ENOX1: variants seen among roughly 807,000 people sequenced by gnomAD.
The protein encoded by ENOX1 is ecto-NOX disulfide-thiol exchanger 1.
ENOX1 carries 42 observed loss-of-function variants against 82.5 expected under a neutral mutation model. The observed-to-expected ratio is 0.51, with a 90% CI of 0.40 to 0.66. ENOX1 has a LOEUF of 0.66. ENOX1 is among the 30% of genes least tolerant of loss of function. The probability of loss-of-function intolerance (pLI) is 0.00; values close to 1 mark genes in which losing one functional copy is unlikely to be tolerated. For synonymous variants in ENOX1, 271 were observed against 282.2 expected, an observed-to-expected ratio of 0.96 and a Z score of 0.40; for missense variants, 608 against 811.6, an observed-to-expected ratio of 0.75 and a Z score of 3.05.
At chr13:43,328,125 C>T (rs1300474616) in intron 9 of ENOX1, among the ~76,000 whole-genome samples, 1 of 152,212 alleles carries the variant, frequency 6.6e-6, no homozygotes, top group Non-Finnish European at 1.5e-5. Flanking sequence ...AAACTCCAGA[C>T]TAAACACCTG....
At chr13:43,231,034 T>C (rs992472517) in intron 15 of ENOX1, among the ~76,000 whole-genome samples, 5 of 152,170 alleles carry the variant, frequency 3.3e-5, no homozygotes, top group African/African-American at 9.7e-5. Context: ...CACTGGTTGA[T>C]AGTCTCCTAG....
chr13:43,439,780 T>C lies in ENOX1; in HGVS notation c.-74-26792A>G, dbSNP rs186868504. ...CAAGCATTCTGTTTCTTTTGTTCAC[T>C]ATCGTGTATGTAAGCACTGACCTAG... On this transcript the variant is annotated intron_variant, in intron 3 of 16. Transcript: ENST00000690772. 7.2e-5 allele frequency among the ~76,000 whole-genome samples: 11 copies of C among 152,354 alleles called. No homozygotes were observed. The East Asian group carries it at 1.9e-3, about 27-fold the overall frequency.
At position 43,593,714 on chromosome 13, in the gene ENOX1, A is replaced by T. The variant is rs184996857; in HGVS notation, c.-219+73765T>A. 3.8e-3 allele frequency among the ~76,000 whole-genome samples: 503 copies of T among 132,058 alleles called. 14 individuals are homozygous for T. Among genetic ancestry groups the T allele is most frequent in the African/African-American group, 0.014 (466 of 32,812 alleles). 86.6% of individuals were successfully genotyped at this position (132,058 alleles called of 152,430 possible). On this transcript the variant is annotated intron_variant, in intron 2 of 16. Transcript: ENST00000690772. The stretch of plus-strand genomic sequence containing the variant: ...CACACACACACACACACACACACAC[A>T]CACACACACAGGCACTCCCTTTGAA...
intron 2 of ENOX1, among the ~76,000 whole-genome samples, chr13:43,647,001 T>C (rs549569423): frequency 2.0e-5 from 3 of 152,338 alleles, no homozygotes; most frequent in African/African-American, 7.2e-5. Context: ...TACCATTCCA[T>C]GTTCTCTCTA....
chr13:43,688,752 C>CA (rs1802234184), intron 1 of ENOX1, among the ~76,000 whole-genome samples: 1 of 149,310 alleles, frequency 6.7e-6, no homozygotes, highest in Admixed American at 6.7e-5. Context: ...GAGAAAGGGG[C>CA]ACAGGAGAAG....
intron 5 of ENOX1, 101 bp downstream of exon 5, chr13:43,411,815 G>A (rs767922514): frequency 2.1e-6 from 3 of 1,448,612 alleles, no homozygotes; most frequent in Non-Finnish European, 2.8e-6. Flanking sequence ...ATAAATAAAA[G>A]ACTGTGTCCA....
At chr13:43,625,222 C>T (rs910924694) in intron 2 of ENOX1, among the ~76,000 whole-genome samples, 3 of 151,996 alleles carry the variant, frequency 2.0e-5, no homozygotes, top group Admixed American at 1.3e-4. Context: ...CAGCTTGTAT[C>T]TTGCAACCTT....
chr13:43,361,610 G>A lies in ENOX1; in HGVS notation c.209-158C>T, dbSNP rs148741108. Among the ~76,000 whole-genome samples the A allele has an allele frequency of 5.3e-5, 8 of 152,200 alleles. No homozygotes were observed. The East Asian group carries it at 1.3e-3, about 26-fold the overall frequency. On this transcript the variant is annotated intron_variant, in intron 5 of 16. Transcript: ENST00000690772. Reference sequence around the variant, plus strand: ...TATTATAGAAAGCTATGCCAGAAGGGTAAAGAGAAAAAAAGTAAAAGATGA... The same window carrying A: ...TATTATAGAAAGCTATGCCAGAAGGATAAAGAGAAAAAAAGTAAAAGATGA...
In ENOX1 at chr13:43,541,173, G is replaced by GTTTTTTTTTTTTTTTTT. The variant is rs553504525; in HGVS notation, c.-218-57038_-218-57022dup. On this transcript the variant is annotated intron_variant, in intron 2 of 16. Transcript: ENST00000690772. ...CTCCAACCTTACACTTCTTCCCTCT[G>GTTTTTTTTTTTTTTTTT]TTTTTTTTTTTTTTTTTTTTTTTTT... is the stretch of plus-strand genomic sequence containing the variant. Among the ~76,000 whole-genome samples, 81 of 64,554 alleles carry GTTTTTTTTTTTTTTTTT rather than the reference G, an allele frequency of 1.3e-3. 12 individuals carry two copies. The highest frequency in any genetic ancestry group is 3.7e-3 in the East Asian group (7 of 1,906). The allele number at this position is 64,554 out of a possible 152,430, so 42.3% of individuals were successfully genotyped here. A position where few individuals can be genotyped will look rare whatever the true frequency, so the allele number is the denominator to read the frequency against.
chr13:43,776,218 G>A (rs1199777816), intron 1 of ENOX1, among the ~76,000 whole-genome samples: 1 of 152,130 alleles, frequency 6.6e-6, no homozygotes, highest in African/African-American at 2.4e-5. Context: ...AGAACTGCTG[G>A]TAGAAAATAA....
chr13:43,344,569 A>G lies in ENOX1; in HGVS notation c.1005T>C (p.Phe335=). The G allele has an allele frequency of 6.2e-7, 1 of 1,614,224 alleles. No individual in the cohort carries two copies. The highest frequency in any genetic ancestry group is 8.5e-7 in the Non-Finnish European group (1 of 1,180,036). ...EQEMEEAKEN[F]KNALTGILTQ... ...TGAGAATCCCAGTTAAGGCATTTTTAAAATTCTCCTTGGCTTCCTCCATCT... is the reference window on the plus strand; with the variant it reads ...TGAGAATCCCAGTTAAGGCATTTTTGAAATTCTCCTTGGCTTCCTCCATCT... Residue 335 remains phenylalanine (F), a synonymous_variant, in exon 9 of 17, where the codon TTT becomes TTC. Coordinates refer to ENST00000690772, the MANE Select transcript of ENOX1 (RefSeq NM_001347969.2).
chr13:43,354,375 G>A (rs1001863746), intron 8 of ENOX1, among the ~76,000 whole-genome samples: 3 of 152,092 alleles, frequency 2.0e-5, no homozygotes, highest in Non-Finnish European at 4.4e-5. Context: ...CCTTGGTTAC[G>A]GTGCGGGTAT....
chr13:43,457,049 G>A (rs1425910507), intron 3 of ENOX1, among the ~76,000 whole-genome samples: 1 of 151,956 alleles, frequency 6.6e-6, no homozygotes, highest in African/African-American at 2.4e-5. Context: ...ATTTCAGTGA[G>A]ATTTATTTTT....
At chr13:43,514,429 C>T (rs1045722703) in intron 2 of ENOX1, among the ~76,000 whole-genome samples, 8 of 152,092 alleles carry the variant, frequency 5.3e-5, no homozygotes, top group Non-Finnish European at 1.2e-4. Context: ...TCTAAGTCCA[C>T]CCTTTCTTCT....
chr13:43,332,884 C>T (rs1006024836), intron 9 of ENOX1, among the ~76,000 whole-genome samples: 4 of 152,022 alleles, frequency 2.6e-5, no homozygotes, highest in Non-Finnish European at 5.9e-5. Context: ...AAAAAGTCTA[C>T]CTTCCCATCT....
chr13:43,536,220 A>G (rs536409638), intron 2 of ENOX1, among the ~76,000 whole-genome samples: 1 of 152,338 alleles, frequency 6.6e-6, no homozygotes, highest in African/African-American at 2.4e-5. Flanking sequence ...TAAACTAGAA[A>G]TGATTGGTGA....
intron 14 of ENOX1, among the ~76,000 whole-genome samples, chr13:43,247,828 C>T (rs1375471984): frequency 2.7e-5 from 1 of 37,088 alleles, no homozygotes; most frequent in South Asian, 1.5e-3. Flanking sequence ...ACAGATGCAA[C>T]ATATATATAT....
chr13:43,290,714 A>G (rs1277968407), intron 12 of ENOX1, among the ~76,000 whole-genome samples: 2 of 152,204 alleles, frequency 1.3e-5, no homozygotes, highest in Admixed American at 1.3e-4. Flanking sequence ...AAATCTGCAC[A>G]TGTACCCTCT....
intron 16 of ENOX1, 45 bp downstream of exon 16, chr13:43,224,008 T>A: frequency 6.9e-7 from 1 of 1,457,428 alleles, no homozygotes; most frequent in Non-Finnish European, 9.6e-7. Flanking sequence ...GCAATCAACA[T>A]GCTAAATTTG....
Sources: allele counts gnomAD v4.1 joint callset (sites outside exome capture counted in the v4.1 genomes callset), GRCh38; gene constraint gnomAD v4.1.1; transcripts MANE v1.5; gene names NCBI Gene and HGNC (gene_info 2026-07-23, HGNC 2026-07-21).